The following JAZF1 variants were observed in gnomAD, a reference collection of about 807,000 sequenced individuals.
The protein encoded by JAZF1 is JAZF zinc finger 1, also known as juxtaposed with another zinc finger protein 1.
Under a neutral mutation model 26.4 loss-of-function variants are expected in JAZF1, and 8 were observed. The observed-to-expected ratio is 0.30, with a 90% CI of 0.18 to 0.55. The LOEUF is 0.55. JAZF1 is among the 20% of genes least tolerant of loss of function. The probability of loss-of-function intolerance (pLI) is 0.94; values close to 1 mark genes in which losing one functional copy is unlikely to be tolerated. For missense variants in JAZF1, 199 were observed against 322.0 expected (o/e 0.62, Z 2.92); for synonymous variants, 126 against 122.3 (o/e 1.03, Z -0.20).
chr7:27,957,287 G>T lies in JAZF1; in HGVS notation c.188+34622C>A, dbSNP rs138230790. On this transcript the variant is annotated intron_variant, in intron 2 of 4. Coordinates refer to ENST00000283928, the MANE Select transcript of JAZF1 (RefSeq NM_175061.4). ...TGAGGCCCCACTTGGCACTTGAGAA[G>T]TAGTTCAGTGCTTAATTATTTATAA... 1.9e-3 allele frequency among the ~76,000 whole-genome samples: 286 copies of T among 152,312 alleles called. 1 individual carries two copies. Among genetic ancestry groups the T allele is most frequent in the African/African-American group, 6.7e-3 (278 of 41,552 alleles).
chr7:28,130,005 T>A (rs1782764274), intron 1 of JAZF1, among the ~76,000 whole-genome samples: 1 of 152,168 alleles, frequency 6.6e-6, no homozygotes, highest in Non-Finnish European at 1.5e-5. Context: ...GATTTTTTTT[T>A]AAATCAAGGA....
chr7:27,877,360 G>C (rs976370060), intron 3 of JAZF1, among the ~76,000 whole-genome samples: 2 of 152,090 alleles, frequency 1.3e-5, no homozygotes, highest in African/African-American at 4.8e-5. Context: ...TCAGATCTTT[G>C]GAAGCGAACA....
chr7:27,854,890 G>T (rs1313805587), intron 3 of JAZF1, among the ~76,000 whole-genome samples: 1 of 152,106 alleles, frequency 6.6e-6, no homozygotes, highest in Non-Finnish European at 1.5e-5. Context: ...TGTATTTCCT[G>T]AATTTGAATG....
intron 2 of JAZF1, among the ~76,000 whole-genome samples, chr7:27,920,664 C>T (rs996701134): frequency 2.6e-5 from 4 of 152,170 alleles, no homozygotes; most frequent in African/African-American, 9.7e-5. Context: ...CAGCAAGTGC[C>T]TCCAGCTGTC....
intron 3 of JAZF1, among the ~76,000 whole-genome samples, chr7:27,874,526 T>C (rs556486161): frequency 1.3e-5 from 2 of 152,290 alleles, no homozygotes; most frequent in Admixed American, 6.5e-5. Flanking sequence ...TGTCGATTTA[T>C]GAGAATCAGA....
rs566174337 is a variant in JAZF1 at position 27,840,628 on chromosome 7, G to C, written c.555+70C>G. 3.9e-5 allele frequency: 59 copies of C among 1,506,222 alleles called. 1 individual carries two copies. The African/African-American group carries it at 6.9e-4, about 18-fold the overall frequency. 93.3% of individuals were successfully genotyped at this position (1,506,222 alleles called of 1,614,324 possible). On this transcript the variant is annotated intron_variant, in intron 4 of 4. Transcript: ENST00000283928. This position sits in a 1 kb window ranked among gnomAD's most constrained non-coding sequence, Gnocchi z 5.1. ...ATACGCTCGCTTTAAAATCAAGAAAGGGCTGCTGCCTTCCATGAAGCTTGC... is the reference window on the plus strand; with the variant it reads ...ATACGCTCGCTTTAAAATCAAGAAACGGCTGCTGCCTTCCATGAAGCTTGC...
chr7:28,089,686 T>A (rs1219935360), intron 1 of JAZF1, among the ~76,000 whole-genome samples: 1 of 152,186 alleles, frequency 6.6e-6, no homozygotes, highest in African/African-American at 2.4e-5. Flanking sequence ...CAGAATGTCG[T>A]AGAAATAGGG....
At chr7:27,905,746 A>T in intron 2 of JAZF1, among the ~76,000 whole-genome samples, 1 of 152,048 alleles carries the variant, frequency 6.6e-6, no homozygotes, top group East Asian at 1.9e-4. Context: ...GCCTCTAATT[A>T]AAAAGGAAAA....
At chr7:28,085,149 A>G (rs916446923) in intron 1 of JAZF1, among the ~76,000 whole-genome samples, 3 of 152,218 alleles carry the variant, frequency 2.0e-5, no homozygotes, top group African/African-American at 7.2e-5. Flanking sequence ...AAGGTGGCTC[A>G]GTTCATACTA....
intron 3 of JAZF1, among the ~76,000 whole-genome samples, chr7:27,888,540 C>A (rs1176931437): frequency 1.3e-5 from 2 of 152,056 alleles, no homozygotes; most frequent in East Asian, 1.9e-4. Flanking sequence ...TTCTATCAGT[C>A]CTGTAAGTCT....
intron 4 of JAZF1, among the ~76,000 whole-genome samples, chr7:27,834,548 G>C (rs557813070): frequency 4.6e-5 from 7 of 152,308 alleles, no homozygotes; most frequent in African/African-American, 1.7e-4. Flanking sequence ...TCAAACATAA[G>C]GTACTTCAGT....
chr7:27,939,604 T>C (rs2128351986), intron 2 of JAZF1, among the ~76,000 whole-genome samples: 1 of 152,334 alleles, frequency 6.6e-6, no homozygotes, highest in Non-Finnish European at 1.5e-5. Context: ...GCCCCTTGGA[T>C]GGCAACTTCA....
intron 2 of JAZF1, among the ~76,000 whole-genome samples, chr7:27,986,254 C>A (rs1208542279): frequency 4.6e-5 from 7 of 152,238 alleles, no homozygotes; most frequent in Admixed American, 1.3e-4. Flanking sequence ...TGATAAGCAA[C>A]TTCAGCGAAG....
intron 2 of JAZF1, among the ~76,000 whole-genome samples, chr7:27,927,736 G>A (rs1362842887): frequency 6.6e-6 from 1 of 152,022 alleles, no homozygotes; most frequent in Non-Finnish European, 1.5e-5. Context: ...ATGAAGAGAA[G>A]TTACCAAAAA....
intron 2 of JAZF1, among the ~76,000 whole-genome samples, chr7:27,935,894 C>A (rs1489812038): frequency 6.6e-6 from 1 of 152,136 alleles, no homozygotes; most frequent in Non-Finnish European, 1.5e-5. Flanking sequence ...GAAGTGGGAC[C>A]AGGAGCTGGG....
At chr7:28,054,559 T>A (rs919716522) in intron 1 of JAZF1, among the ~76,000 whole-genome samples, 3 of 152,072 alleles carry the variant, frequency 2.0e-5, no homozygotes, top group Non-Finnish European at 2.9e-5. Flanking sequence ...GCTGACAGGA[T>A]CTCTATTTGC....
intron 2 of JAZF1, among the ~76,000 whole-genome samples, chr7:27,929,676 G>T (rs1177643212): frequency 6.6e-6 from 1 of 152,148 alleles, no homozygotes; most frequent in Non-Finnish European, 1.5e-5. Context: ...GTAAAATGAG[G>T]TTTATCCCAT....
At chr7:27,892,515 G>C (rs1783990378) in intron 3 of JAZF1, among the ~76,000 whole-genome samples, 1 of 152,132 alleles carries the variant, frequency 6.6e-6, no homozygotes, top group South Asian at 2.1e-4. Flanking sequence ...AGTTATCTGG[G>C]GTTGGACATG....
intron 1 of JAZF1, among the ~76,000 whole-genome samples, chr7:28,006,308 A>C (rs965578308): frequency 1.3e-5 from 2 of 152,088 alleles, no homozygotes; most frequent in African/African-American, 4.8e-5. Flanking sequence ...AGCGGAGGTC[A>C]CAGTGAGCCA....
Sources: gnomAD v4.1 joint callset for allele counts (sites outside exome capture counted in the v4.1 genomes callset) on GRCh38, gnomAD v4.1.1 for gene constraint, Gnocchi (gnomAD v3.1) non-coding constraint, MANE v1.5 for transcripts, NCBI Gene and HGNC (gene_info 2026-07-23, HGNC 2026-07-21) for gene names.